The following NXPE2 variants were observed in gnomAD, a reference collection of about 807,000 sequenced individuals.
The protein encoded by NXPE2 is NXPE family member 2.
A neutral mutation model predicts 34.4 loss-of-function variants in NXPE2; 34 were observed. The ratio of observed to expected loss-of-function variants is 0.99; its 90% CI spans 0.75 to 1.31. The LOEUF (loss-of-function observed/expected upper bound fraction) is 1.31, where lower values mean the gene tolerates loss of function less well. Ranked by LOEUF, NXPE2 falls within the 40% of genes most tolerant of loss-of-function variation. The probability of loss-of-function intolerance (pLI) is 0.00; values close to 1 mark genes in which losing one functional copy is unlikely to be tolerated. For missense variants in NXPE2, 649 were observed against 672.5 expected (o/e 0.97, Z 0.39); for synonymous variants, 235 against 231.3 (o/e 1.02, Z -0.15).
the NXPE2 span, among the ~76,000 whole-genome samples, chr11:114,550,872 G>A: frequency 3.9e-5 from 6 of 152,286 alleles, no homozygotes; most frequent in East Asian, 1.9e-4. Context: ...TTTTGGGAGC[G>A]TGTGCAAGGT....
At chr11:114,683,528 C>T (rs1950985696) in intron 2 of NXPE2, among the ~76,000 whole-genome samples, 1 of 150,412 alleles carries the variant, frequency 6.6e-6, no homozygotes, top group African/African-American at 2.4e-5. Context: ...TCAAGTGATT[C>T]TCCTGCCTCA....
At chr11:114,701,496 A>C (rs996360343) in intron 3 of NXPE2, among the ~76,000 whole-genome samples, 1 of 152,280 alleles carries the variant, frequency 6.6e-6, no homozygotes, top group South Asian at 2.1e-4. Flanking sequence ...AATAGACATA[A>C]GTCCTTCCCA....
the NXPE2 span, among the ~76,000 whole-genome samples, chr11:114,621,903 C>T: frequency 1.3e-5 from 2 of 151,376 alleles, no homozygotes; most frequent in African/African-American, 4.9e-5. Flanking sequence ...TTGTGGGTAA[C>T]CAGTTACCTG....
chr11:114,581,619 A>C, the NXPE2 span: 14 of 882,588 alleles, frequency 1.6e-5, no homozygotes, highest in Non-Finnish European at 2.3e-5. Flanking sequence ...AGCCAGATGA[A>C]CAGAGTGCTG....
chr11:114,581,670 A>T, the NXPE2 span: 1 of 1,363,106 alleles, frequency 7.3e-7, no homozygotes, highest in Admixed American at 1.8e-5. Context: ...GAAAGAAGAA[A>T]CCCTTTAAAT....
At chr11:114,637,926 C>T in the NXPE2 span, among the ~76,000 whole-genome samples, 5 of 151,922 alleles carry the variant, frequency 3.3e-5, no homozygotes, top group African/African-American at 1.2e-4. Flanking sequence ...TTTGGTGAAT[C>T]TGACAATTAT....
At chr11:114,603,071 T>C in the NXPE2 span, among the ~76,000 whole-genome samples, 1 of 151,840 alleles carries the variant, frequency 6.6e-6, no homozygotes, top group Non-Finnish European at 1.5e-5. Context: ...TAGGTAACTA[T>C]TATTACCTAG....
the NXPE2 span, among the ~76,000 whole-genome samples, chr11:114,666,609 A>T: frequency 1.3e-5 from 2 of 152,152 alleles, no homozygotes; most frequent in South Asian, 4.1e-4. Flanking sequence ...GATTAATAGG[A>T]TATATGGCCT....
chr11:114,643,549 C>A, the NXPE2 span, among the ~76,000 whole-genome samples: 1 of 152,002 alleles, frequency 6.6e-6, no homozygotes, highest in Non-Finnish European at 1.5e-5. Flanking sequence ...TCAGGTTTGT[C>A]AAAGATCAGA....
intron 3 of NXPE2, 90 bp downstream of exon 3, chr11:114,698,868 A>G (rs1591440617): frequency 8.3e-7 from 1 of 1,211,440 alleles, no homozygotes; most frequent in African/African-American, 1.5e-5. Flanking sequence ...CTTTTGTATC[A>G]TGTCAATTAT....
chr11:114,550,660 G>A, the NXPE2 span, among the ~76,000 whole-genome samples: 3 of 152,032 alleles, frequency 2.0e-5, no homozygotes, highest in Non-Finnish European at 2.9e-5. Context: ...ATCTTTGAGC[G>A]GGAAAAACTT....
chr11:114,807,526 G>T, the NXPE2 span, among the ~76,000 whole-genome samples: 10 of 151,402 alleles, frequency 6.6e-5, no homozygotes, highest in African/African-American at 2.4e-4. Flanking sequence ...AACAAAAAAA[G>T]GCAGGGGTTG....
chr11:114,778,866 G>T, the NXPE2 span, among the ~76,000 whole-genome samples: 1 of 152,180 alleles, frequency 6.6e-6, no homozygotes, highest in Admixed American at 6.5e-5. Flanking sequence ...GTGTATAAAG[G>T]CTAGTGCATC....
chr11:114,710,836 T>C (rs898434843), downstream of NXPE2, among the ~76,000 whole-genome samples: 8 of 151,198 alleles, frequency 5.3e-5, no homozygotes, highest in Admixed American at 5.3e-4. Context: ...GCAAAAACCC[T>C]AAAAAGAAGG....
the NXPE2 span, among the ~76,000 whole-genome samples, chr11:114,527,456 T>C: frequency 0.019 from 2,900 of 152,272 alleles, 95 homozygotes; most frequent in African/African-American, 0.067. Flanking sequence ...CCATATAAAA[T>C]TGGTAATTGC....
the NXPE2 span, among the ~76,000 whole-genome samples, chr11:114,625,031 G>C: frequency 6.6e-6 from 1 of 151,872 alleles, no homozygotes; most frequent in Non-Finnish European, 1.5e-5. Context: ...GTGTTGCCTC[G>C]GGGGTAAACA....
At chr11:114,706,063 T>C in intron 5 of NXPE2, 67 bp downstream of exon 5, 1 of 610,866 alleles carries the variant, frequency 1.6e-6, no homozygotes, top group Non-Finnish European at 2.4e-6. Flanking sequence ...ATAATTAGAA[T>C]TATTTGCTTT....
At chr11:114,778,162 C>T in the NXPE2 span, among the ~76,000 whole-genome samples, 1 of 151,966 alleles carries the variant, frequency 6.6e-6, no homozygotes, top group Non-Finnish European at 1.5e-5. Context: ...AGTCAGGACT[C>T]AAAAAAGTTA....
At chr11:114,656,676 C>T in the NXPE2 span, among the ~76,000 whole-genome samples, 2 of 151,906 alleles carry the variant, frequency 1.3e-5, no homozygotes, top group Non-Finnish European at 2.9e-5. Flanking sequence ...CACAAGCACT[C>T]CTTTACACCA....
Sources: allele counts gnomAD v4.1 joint callset (sites outside exome capture counted in the v4.1 genomes callset), GRCh38; gene constraint gnomAD v4.1.1; transcripts MANE v1.5; gene names NCBI Gene and HGNC (gene_info 2026-07-23, HGNC 2026-07-21).